Variants in CASP6 observed in about 807,000 individuals in gnomAD.
CASP6 encodes caspase-6.
A neutral mutation model predicts 31.8 loss-of-function variants in CASP6; 20 were observed. The observed-to-expected ratio is 0.63, with a 90% confidence interval of 0.44 to 0.91. The LOEUF (loss-of-function observed/expected upper bound fraction) is 0.91, where lower values mean the gene tolerates loss of function less well. CASP6 is among the 40% of genes least tolerant of loss of function. The pLI is 0.00. For synonymous variants in CASP6, 130 were observed against 127.8 expected (o/e 1.02, Z -0.12); for missense variants, 328 against 361.1 (o/e 0.91, Z 0.74).
chr4:109,707,404 T>A (rs78982675), upstream of CASP6, among the ~76,000 whole-genome samples: 5 of 151,912 alleles, frequency 3.3e-5, no homozygotes, highest in Non-Finnish European at 5.9e-5. Flanking sequence ...TTTTTTTTTT[T>A]TGAGACAGTT....
chr4:109,681,440 G>T, the CASP6 span: 1 of 453,372 alleles, frequency 2.2e-6, no homozygotes, highest in Admixed American at 2.4e-5. Flanking sequence ...GGTAGAGAGT[G>T]TTACCGGGGG....
downstream of CASP6, among the ~76,000 whole-genome samples, chr4:109,686,787 G>A (rs958814534): frequency 6.6e-6 from 1 of 152,124 alleles, no homozygotes; most frequent in Non-Finnish European, 1.5e-5. Flanking sequence ...GAAGCAGGAA[G>A]ATCCCTTGAA....
the CASP6 span, chr4:109,673,897 A>G: frequency 1.3e-6 from 1 of 775,876 alleles, no homozygotes; most frequent in Non-Finnish European, 2.4e-6. Context: ...TCAGGGATCC[A>G]AACTTATTCG....
At position 109,703,362 on chromosome 4, in the gene CASP6, G is replaced by A. The variant is rs762278930; in HGVS notation, c.34C>T (p.Pro12Ser). Residue 12 changes from proline to serine, a missense_variant, in exon 1 of 7, where the codon CCG becomes TCG. Pro to Ser is a moderately conservative substitution (Grantham distance 74). Coordinates refer to ENST00000265164, the MANE Select transcript of CASP6 (RefSeq NM_001226.4). ...SSASGLRRGH[P>S]AGGEENMTET... is the part of the protein sequence containing the mutation. ...GTCGACGCCCCCTGCCTACCTGCCGGGTGCCCCCTGCGGAGCCCCGAGGCC... is the reference window on the plus strand; with the variant it reads ...GTCGACGCCCCCTGCCTACCTGCCGAGTGCCCCCTGCGGAGCCCCGAGGCC... 3.7e-6 allele frequency: 6 copies of A among 1,610,244 alleles called. No homozygotes were observed. The highest frequency in any genetic ancestry group is 1.1e-5 in the South Asian group (1 of 90,016).
the CASP6 span, among the ~76,000 whole-genome samples, chr4:109,670,097 G>T: frequency 6.6e-6 from 1 of 152,194 alleles, no homozygotes; most frequent in African/African-American, 2.4e-5. Context: ...TTAAAAGCTG[G>T]ATGTGATATA....
At position 109,702,323 on chromosome 4, in the gene CASP6, GTTCTT is replaced by G. The variant is rs1730444950; in HGVS notation, c.40+1028_40+1032del. On this transcript the variant is annotated intron_variant, in intron 1 of 6. Coordinates refer to ENST00000265164, the MANE Select transcript of CASP6 (RefSeq NM_001226.4). ...CACTCTAACCAACTGCAGGCGTTTC[GTTCTT>G]TTTTTTTTTTTTTCTTCTTGATTCG... 2.6e-5 allele frequency among the ~76,000 whole-genome samples: 4 copies of G among 150,984 alleles called. No individual in the cohort carries two copies. The South Asian group carries it at 6.3e-4, about 24-fold the overall frequency.
the CASP6 span, among the ~76,000 whole-genome samples, chr4:109,676,955 G>A: frequency 6.6e-6 from 1 of 152,216 alleles, no homozygotes; most frequent in East Asian, 1.9e-4. Flanking sequence ...CAGAACTTTA[G>A]AGCTACCAGT....
chr4:109,709,413 C>G, the CASP6 span, among the ~76,000 whole-genome samples: 1 of 152,178 alleles, frequency 6.6e-6, no homozygotes, highest in Admixed American at 6.5e-5. Context: ...CATTAAAATT[C>G]AGATACACTA....
upstream of CASP6, among the ~76,000 whole-genome samples, chr4:109,705,997 A>T (rs1415897270): frequency 0.013 from 613 of 46,846 alleles, 8 homozygotes; most frequent in African/African-American, 0.041. Flanking sequence ...AAAAAAAAAA[A>T]AAAAATATAT....
chr4:109,679,882 A>T, the CASP6 span, among the ~76,000 whole-genome samples: 1 of 151,760 alleles, frequency 6.6e-6, no homozygotes, highest in Non-Finnish European at 1.5e-5. Context: ...GCTCACTGCA[A>T]CCTCTGCCTT....
downstream of CASP6, chr4:109,687,509 T>TG: frequency 6.2e-7 from 1 of 1,605,088 alleles, no homozygotes; most frequent in Non-Finnish European, 8.5e-7. Context: ...CTTTTTCCCA[T>TG]GACAGGCTAA....
chr4:109,697,637 T>A lies in CASP6; in HGVS notation c.215A>T (p.Asp72Val). The change falls in exon 3 of 7, where the codon GAC becomes GTC. Residue 72 changes from aspartate (D) to valine (V), a missense_variant. Coordinates refer to ENST00000265164, the MANE Select transcript of CASP6 (RefSeq NM_001226.4). ...AAACTACTACCTGCGGGTAAGATTGTCTCTATCTGCGCAGGTGCCCCGCCT... is the reference window on the plus strand; with the variant it reads ...AAACTACTACCTGCGGGTAAGATTGACTCTATCTGCGCAGGTGCCCCGCCT... ...PERRGTCADR[D>V]NLTRRFSDLG... 1 of 1,609,010 alleles carries A rather than the reference T, an allele frequency of 6.2e-7. No homozygotes were observed. The highest frequency in any genetic ancestry group is 8.5e-7 in the Non-Finnish European group (1 of 1,178,482).
At chr4:109,682,530 C>T in the CASP6 span, 1 of 1,471,332 alleles carries the variant, frequency 6.8e-7, no homozygotes, top group Non-Finnish European at 9.2e-7. Flanking sequence ...GATTTACACA[C>T]CCTGCGGGAA....
At chr4:109,671,473 G>A in the CASP6 span, among the ~76,000 whole-genome samples, 1 of 152,040 alleles carries the variant, frequency 6.6e-6, no homozygotes, top group African/African-American at 2.4e-5. Flanking sequence ...ATACCCCCAA[G>A]CTGACTGATT....
upstream of CASP6, among the ~76,000 whole-genome samples, chr4:109,707,242 A>G (rs1446228148): frequency 1.3e-5 from 2 of 152,210 alleles, no homozygotes; most frequent in East Asian, 3.9e-4. Flanking sequence ...CCTCTGAGGT[A>G]TCCCATAGGG....
the CASP6 span, chr4:109,681,503 C>A: frequency 2.2e-6 from 1 of 451,016 alleles, no homozygotes; most frequent in Non-Finnish European, 4.4e-6. Context: ...AAGATGATGG[C>A]AAGCCTCGTG....
chr4:109,666,355 G>T, the CASP6 span, among the ~76,000 whole-genome samples: 1 of 152,150 alleles, frequency 6.6e-6, no homozygotes, highest in Admixed American at 6.5e-5. Flanking sequence ...AGAGTGTTTA[G>T]TTTTGTGTAA....
downstream of CASP6, chr4:109,685,370 A>G (rs1243668297): frequency 3.4e-6 from 4 of 1,192,250 alleles, no homozygotes; most frequent in African/African-American, 4.5e-5. Flanking sequence ...TTGCTAAGGT[A>G]TACTACAAAT....
chr4:109,707,251 G>T (rs553769654), upstream of CASP6, among the ~76,000 whole-genome samples: 1 of 152,080 alleles, frequency 6.6e-6, no homozygotes, highest in African/African-American at 2.4e-5. Flanking sequence ...TATCCCATAG[G>T]GGGTGGCATA....
Sources: gnomAD v4.1 joint callset for allele counts (sites outside exome capture counted in the v4.1 genomes callset) on GRCh38, gnomAD v4.1.1 for gene constraint, MANE v1.5 for transcripts, NCBI Gene and HGNC (gene_info 2026-07-23, HGNC 2026-07-21) for gene names.